SLC25A10: variants seen among roughly 807,000 people sequenced by gnomAD.
The protein encoded by SLC25A10 is mitochondrial dicarboxylate carrier.
In SLC25A10, 32 loss-of-function variants were observed where a neutral mutation model predicts 40.4. That is an observed-to-expected ratio of 0.79 (90% CI 0.60 to 1.06). The LOEUF is 1.06. Among genes scored for constraint, SLC25A10 ranks in the 50% least tolerant of loss-of-function variants. SLC25A10 has a pLI of 0.00. For missense variants in SLC25A10, 394 were observed against 402.6 expected, an observed-to-expected ratio of 0.98 and a Z score of 0.18; for synonymous variants, 181 against 171.1, an observed-to-expected ratio of 1.06 and a Z score of -0.45.
Position 81,717,354 on chromosome 17 carries a change from GCTGGGGTCCC to G in SLC25A10, c.535-43_535-34del, listed in dbSNP as rs1228231096. ...CTGGGGCCCTGTGTGCTTTCCCCAA[GCTGGGGTCCC>G]CCCTACAGCCCTGACCGCCCTTGTG... On this transcript the variant is annotated intron_variant, in intron 7 of 10. Transcript: ENST00000350690. 10 of 1,593,038 alleles carry G rather than the reference GCTGGGGTCCC, an allele frequency of 6.3e-6. No individual in the cohort carries two copies. In the African/African-American group the frequency reaches 8.1e-5, roughly 13 times the overall value.
intron 8 of SLC25A10, 101 bp from the exon 9 acceptor site, chr17:81,717,683 G>T: frequency 7.0e-7 from 1 of 1,431,950 alleles, no homozygotes; most frequent in Non-Finnish European, 9.6e-7. Context: ...CATGTTCCTG[G>T]CCCGCCCTAG....
In SLC25A10 at chr17:81,716,803, C is replaced by G; in HGVS notation, c.420-9C>G. The G allele has an allele frequency of 6.2e-7, 1 of 1,605,074 alleles. No homozygotes were observed. Among genetic ancestry groups the G allele is most frequent in the African/African-American group, 1.3e-5 (1 of 74,916 alleles). ...GGAGTCTCATGTGGTCATTCTGTGT[C>G]CCCGGCAGCTACGCCCATGCGCTGG... On this transcript the variant is annotated splice_polypyrimidine_tract_variant and intron_variant, in intron 5 of 10. Coordinates refer to ENST00000350690, the MANE Select transcript of SLC25A10 (RefSeq NM_012140.5).
intron 7 of SLC25A10, 27 bp downstream of exon 7, chr17:81,717,099 G>A: frequency 6.2e-7 from 1 of 1,609,192 alleles, no homozygotes; most frequent in African/African-American, 1.3e-5. Flanking sequence ...GGGTGGGTGT[G>A]GGCAGTGCCT....
intron 7 of SLC25A10, 105 bp from the exon 8 acceptor site, chr17:81,717,294 G>A (rs1293972956): frequency 2.5e-5 from 30 of 1,194,516 alleles, no homozygotes; most frequent in East Asian, 7.1e-5. Context: ...ACGGACAGAC[G>A]GAGCAGGTGC....
intron 9 of SLC25A10, among the ~76,000 whole-genome samples, chr17:81,718,282 A>G (rs1426599864): frequency 1.3e-5 from 2 of 152,052 alleles, no homozygotes; most frequent in Non-Finnish European, 2.9e-5. Context: ...TCAGGAGTTC[A>G]AGACCAGCCT....
chr17:81,717,469 A>G lies in SLC25A10; in HGVS notation c.605A>G (p.His202Arg). The change falls in exon 8 of 11, where the codon CAC becomes CGC. Residue 202 changes from histidine to arginine, a missense_variant. By Grantham distance (29) the His-to-Arg change is conservative. Coordinates refer to ENST00000350690, the MANE Select transcript of SLC25A10 (RefSeq NM_012140.5). ...TACCTCTCTGACAACATCTTCACTC[A>G]CTTTGTCGCCAGCTTTATTGCAGTA... ...TGYLSDNIFT[H>R]FVASFIAGGC... 1 of 1,613,406 alleles carries G rather than the reference A, an allele frequency of 6.2e-7. No individual in the cohort carries two copies. The highest frequency in any genetic ancestry group is 8.5e-7 in the Non-Finnish European group (1 of 1,179,834).
chr17:81,719,135 G>A (rs1206018564), intron 9 of SLC25A10, among the ~76,000 whole-genome samples: 1 of 151,316 alleles, frequency 6.6e-6, no homozygotes, highest in Non-Finnish European at 1.5e-5. Flanking sequence ...GTTTCACCAT[G>A]TCGGCCAGGC....
rs1329135865 is a variant in SLC25A10 at position 81,717,406 on chromosome 17, G to A, written c.542G>A (p.Cys181Tyr). 6.2e-7 allele frequency: 1 copy of A among 1,613,384 alleles called. No individual in the cohort carries two copies. The highest frequency in any genetic ancestry group is 1.1e-5 in the South Asian group (1 of 91,086). ...GALVTVGQLS[C>Y]YDQAKQLVLS... ...GCCCTTGTGCCCCTGCAGCTGTCCTGCTACGACCAGGCCAAGCAGCTGGTC... is the reference window on the plus strand; with the variant it reads ...GCCCTTGTGCCCCTGCAGCTGTCCTACTACGACCAGGCCAAGCAGCTGGTC... The change falls in exon 8 of 11, where the codon TGC (cysteine) becomes TAC (tyrosine). Residue 181 changes from cysteine (C) to tyrosine (Y), a missense_variant. Transcript: ENST00000350690.
In SLC25A10 at chr17:81,715,489, CCT is replaced by C; in HGVS notation, c.226_227del (p.Leu76AspfsTer78). On this transcript the variant is annotated frameshift_variant, in exon 3 of 11. Transcript: ENST00000350690. LOFTEE classifies it high-confidence loss of function. ...ASLCRQMTYS[L>X]TRFAIYETVR... ...CCCTTCTCCCCCAGATGACCTACTC[CCT>C]GACTCGGTTCGCCATCTACGAGACT... The C allele has an allele frequency of 8.7e-6, 14 of 1,612,706 alleles. No individual in the cohort carries two copies. The highest frequency in any genetic ancestry group is 1.1e-5 in the Non-Finnish European group (13 of 1,179,752).
intron 1 of SLC25A10, chr17:81,713,360 C>T: frequency 1.4e-6 from 1 of 739,482 alleles, no homozygotes; most frequent in Non-Finnish European, 1.7e-6. Flanking sequence ...AGGCCCTGCC[C>T]TGTGAACCTG....
intron 1 of SLC25A10, among the ~76,000 whole-genome samples, chr17:81,713,815 C>T (rs555391232): frequency 1.6e-4 from 25 of 152,322 alleles, no homozygotes; most frequent in Non-Finnish European, 2.6e-4. Flanking sequence ...CCCAACCAGG[C>T]GCTCTCTGGC....
At chr17:81,717,746 G>T in intron 8 of SLC25A10, 38 bp from the exon 9 acceptor site, 1 of 1,596,986 alleles carries the variant, frequency 6.3e-7, no homozygotes, top group Non-Finnish European at 8.5e-7. Flanking sequence ...GGTGCCTGGC[G>T]TACCTGACAG....
In SLC25A10 at chr17:81,715,572, T is replaced by C; in HGVS notation, c.308T>C (p.Val103Ala). The change falls in exon 3 of 11, where the codon GTG (valine) becomes GCG (alanine). Residue 103 changes from valine to alanine, a missense_variant. By Grantham distance (64) the Val-to-Ala change is moderately conservative. Coordinates refer to ENST00000350690, the MANE Select transcript of SLC25A10 (RefSeq NM_012140.5). ...SQGPLPFHEK[V>A]LLGSVSGLAG... ...GGGCCTCTCCCCTTCCACGAGAAGG[T>C]GTTGCTGGGCTCCGTCAGCGGTGAG... is the stretch of plus-strand genomic sequence containing the variant. 6.2e-7 allele frequency: 1 copy of C among 1,611,704 alleles called. No homozygotes were observed. Among genetic ancestry groups the C allele is most frequent in the Non-Finnish European group, 8.5e-7 (1 of 1,179,448 alleles).
At position 81,712,423 on chromosome 17, in the gene SLC25A10, G is replaced by T; in HGVS notation, c.-4G>T. 1 of 1,302,284 alleles carries T rather than the reference G, an allele frequency of 7.7e-7. No homozygotes were observed. The highest frequency in any genetic ancestry group is 2.3e-5 in the South Asian group (1 of 43,336). The allele number at this position is 1,302,284 out of a possible 1,614,324, so 80.7% of individuals were successfully genotyped here. Reference sequence around the variant, plus strand: ...GTCGGGCCGGGATTGGGCTCTCCTGGGCCATGGCAGCCGAGGCGCGCGTGT... The same window carrying T: ...GTCGGGCCGGGATTGGGCTCTCCTGTGCCATGGCAGCCGAGGCGCGCGTGT... On this transcript the variant is annotated 5_prime_UTR_variant, in exon 1 of 11. Coordinates refer to ENST00000350690, the MANE Select transcript of SLC25A10 (RefSeq NM_012140.5).
chr17:81,714,437 C>T (rs888673493), intron 1 of SLC25A10, among the ~76,000 whole-genome samples: 2 of 152,224 alleles, frequency 1.3e-5, no homozygotes, highest in African/African-American at 2.4e-5. Flanking sequence ...CCAGCCACAC[C>T]GTCCCCTTGT....
At chr17:81,717,673 C>A in intron 8 of SLC25A10, 111 bp from the exon 9 acceptor site, 1 of 1,371,220 alleles carries the variant, frequency 7.3e-7, no homozygotes, top group Non-Finnish European at 1.0e-6. Flanking sequence ...CCCCCGCCAG[C>A]ATGTTCCTGG....
chr17:81,712,488 C>T lies in SLC25A10; in HGVS notation c.62C>T (p.Ala21Val). The change falls in exon 1 of 11, where the codon GCC becomes GTC. Residue 21 changes from alanine to valine, a missense_variant. Ala to Val is a moderately conservative substitution (Grantham distance 64). Coordinates refer to ENST00000350690, the MANE Select transcript of SLC25A10 (RefSeq NM_012140.5). Reference protein sequence around the residue: ...YFGGLASCGAACCTHPLDLLK... With the variant: ...YFGGLASCGAVCCTHPLDLLK... Reference sequence around the variant, plus strand: ...GGGGGGCTGGCCTCCTGCGGGGCCGCCTGCTGCACGCACCCGCTGGACCTG... The same window carrying T: ...GGGGGGCTGGCCTCCTGCGGGGCCGTCTGCTGCACGCACCCGCTGGACCTG... The T allele has an allele frequency of 7.7e-7, 1 of 1,300,738 alleles. No individual in the cohort carries two copies. The highest frequency in any genetic ancestry group is 2.3e-5 in the South Asian group (1 of 42,802). The allele number at this position is 1,300,738 out of a possible 1,614,324, so 80.6% of individuals were successfully genotyped here.
At chr17:81,712,683 G>A (rs546275283) in intron 1 of SLC25A10, among the ~76,000 whole-genome samples, 164 bp downstream of exon 1, 96 of 152,302 alleles carry the variant, frequency 6.3e-4, no homozygotes, top group African/African-American at 2.1e-3. Context: ...ATCCCGGGTG[G>A]CCCTCCAGTG....
chr17:81,715,971 G>A (rs1238232453), intron 4 of SLC25A10, 38 bp from the exon 5 acceptor site: 16 of 1,551,848 alleles, frequency 1.0e-5, no homozygotes, highest in East Asian at 7.2e-5. Context: ...CATGCCCCTC[G>A]GCCCGCCCGC....
Sources: gnomAD v4.1 joint callset for allele counts (sites outside exome capture counted in the v4.1 genomes callset) on GRCh38, gnomAD v4.1.1 for gene constraint, MANE v1.5 for transcripts, NCBI Gene and HGNC (gene_info 2026-07-23, HGNC 2026-07-21) for gene names.